TRPC1: variants seen among roughly 807,000 people sequenced by gnomAD.
The protein encoded by TRPC1 is transient receptor potential cation channel subfamily C member 1.
Under a neutral mutation model 88.2 loss-of-function variants are expected in TRPC1, and 42 were observed. That is an observed-to-expected ratio of 0.48 (90% CI 0.37 to 0.62). The LOEUF (loss-of-function observed/expected upper bound fraction) is 0.62. TRPC1 is among the 20% of genes least tolerant of loss of function. TRPC1 has a pLI of 0.00. For missense variants in TRPC1, 699 were observed against 957.3 expected (o/e 0.73, Z 3.56); for synonymous variants, 288 against 331.8 (o/e 0.87, Z 1.43).
chr3:142,775,609 A>T (rs935751202), intron 4 of TRPC1, among the ~76,000 whole-genome samples: 1 of 152,112 alleles, frequency 6.6e-6, no homozygotes, highest in Admixed American at 6.5e-5. Flanking sequence ...ACTGAATGAG[A>T]GTGTCTCAAA....
At chr3:142,765,652 A>T (rs1935358656) in intron 4 of TRPC1, among the ~76,000 whole-genome samples, 1 of 152,204 alleles carries the variant, frequency 6.6e-6, no homozygotes, top group Non-Finnish European at 1.5e-5. Context: ...ACCTATCACC[A>T]TATAAAAAAA....
At chr3:142,762,517 C>T (rs1020326194) in intron 4 of TRPC1, among the ~76,000 whole-genome samples, 6 of 150,860 alleles carry the variant, frequency 4.0e-5, no homozygotes, top group Non-Finnish European at 8.9e-5. Flanking sequence ...CAACCTCCAC[C>T]TCCCGGGTTG....
At chr3:142,763,672 TCA>T (rs1316539817) in intron 4 of TRPC1, among the ~76,000 whole-genome samples, 2 of 151,982 alleles carry the variant, frequency 1.3e-5, no homozygotes, top group Non-Finnish European at 2.9e-5. Context: ...CCATTTACAT[TCA>T]GTGTGATTGT....
At chr3:142,775,082 T>G (rs1408080172) in intron 4 of TRPC1, among the ~76,000 whole-genome samples, 1 of 152,030 alleles carries the variant, frequency 6.6e-6, no homozygotes, top group Non-Finnish European at 1.5e-5. Flanking sequence ...TTTTTCTCAG[T>G]TTTTTGACAG....
rs148917039 is a variant in TRPC1 at position 142,760,077 on chromosome 3, C to T, written c.632+11617C>T. 9.6e-3 allele frequency among the ~76,000 whole-genome samples: 1,467 copies of T among 152,240 alleles called. 34 individuals carry two copies. Among genetic ancestry groups the T allele is most frequent in the East Asian group, 0.089 (458 of 5,164 alleles). ...TCCTGACCTCATGATCCACCCACCT[C>T]GGCCTCCCAAAGTGTTGGGATTACA... On this transcript the variant is annotated intron_variant, in intron 4 of 12. Coordinates refer to ENST00000476941, the MANE Select transcript of TRPC1 (RefSeq NM_001251845.2).
rs1297773886 is a variant in TRPC1 at position 142,792,716 on chromosome 3, T to G, written c.1438-108T>G. The stretch of plus-strand genomic sequence containing the variant: ...ATAAAACATAAGTGGAGATCCCCTA[T>G]AAGAAGACAAAATTAAAATGGCTTT... On this transcript the variant is annotated intron_variant, in intron 8 of 12. Coordinates refer to ENST00000476941, the MANE Select transcript of TRPC1 (RefSeq NM_001251845.2). The surrounding 1 kb of genome is among the most constrained non-coding windows in gnomAD (Gnocchi z 4.0). The G allele has an allele frequency of 2.7e-5, 31 of 1,146,378 alleles. No individual in the cohort carries two copies. The highest frequency in any genetic ancestry group is 2.6e-5 in the Non-Finnish European group (22 of 850,388). The allele number at this position is 1,146,378 out of a possible 1,614,324, so 71.0% of individuals were successfully genotyped here.
At chr3:142,750,238 T>G (rs1458537296) in intron 4 of TRPC1, among the ~76,000 whole-genome samples, 1 of 151,864 alleles carries the variant, frequency 6.6e-6, no homozygotes, top group Non-Finnish European at 1.5e-5. Flanking sequence ...AACAACCCCA[T>G]CAAAAAGTGG....
rs898077622 is a variant in TRPC1, at chr3:142,724,682, G to A, written c.123G>A (p.Lys41=). 1.9e-6 allele frequency: 3 copies of A among 1,610,586 alleles called. No homozygotes were observed. Among genetic ancestry groups the A allele is most frequent in the Admixed American group, 3.3e-5 (2 of 59,896 alleles). ...VMALKDVREV[K]EENTLNEKLF... ...CGCTGAAGGATGTGCGGGAGGTGAAGGAGGAGAATACGCTGAATGAGAAGC... is the reference window on the plus strand; with the variant it reads ...CGCTGAAGGATGTGCGGGAGGTGAAAGAGGAGAATACGCTGAATGAGAAGC... Residue 41 remains lysine (K), a synonymous_variant, in exon 1 of 13, where the codon AAG becomes AAA. Transcript: ENST00000476941. This position sits in a 1 kb window ranked among gnomAD's most constrained non-coding sequence, Gnocchi z 5.6.
intron 6 of TRPC1, among the ~76,000 whole-genome samples, 198 bp from the exon 7 acceptor site, chr3:142,784,506 G>A (rs1474520972): frequency 6.6e-6 from 1 of 152,118 alleles, no homozygotes; most frequent in African/African-American, 2.4e-5. Flanking sequence ...TTTGAATCTA[G>A]GTAATCTGGC....
At chr3:142,747,208 A>G (rs1365179634) in intron 3 of TRPC1, among the ~76,000 whole-genome samples, 1 of 152,134 alleles carries the variant, frequency 6.6e-6, no homozygotes, top group Non-Finnish European at 1.5e-5. Context: ...GTAGTAGAAA[A>G]AGGATTAAAA....
At chr3:142,803,920 T>G in intron 10 of TRPC1, 57 bp from the exon 11 acceptor site, 1 of 1,514,228 alleles carries the variant, frequency 6.6e-7, no homozygotes, top group Non-Finnish European at 9.1e-7. Context: ...AACAAATGAT[T>G]CATTTTTGCT....
At chr3:142,789,467 T>A (rs968410301) in intron 7 of TRPC1, among the ~76,000 whole-genome samples, 1 of 152,200 alleles carries the variant, frequency 6.6e-6, no homozygotes. Flanking sequence ...TTTTAAACAC[T>A]TTTTTTCTGT....
chr3:142,762,071 T>G (rs1231954844), intron 4 of TRPC1, among the ~76,000 whole-genome samples: 3 of 152,186 alleles, frequency 2.0e-5, no homozygotes, highest in African/African-American at 7.2e-5. Context: ...AGTCTCACTC[T>G]GTCACCCAGT....
chr3:142,763,989 TACATACATACATATATATATATATATAA>T (rs1560105021), intron 4 of TRPC1, among the ~76,000 whole-genome samples: 949 of 65,034 alleles, frequency 0.015, 95 homozygotes, highest in African/African-American at 0.1. Flanking sequence ...TATATACACA[TACATACATACATATATATATATATATAA>T]CAAATTATTT....
At chr3:142,771,966 T>A (rs1250648033) in intron 4 of TRPC1, among the ~76,000 whole-genome samples, 1 of 152,194 alleles carries the variant, frequency 6.6e-6, no homozygotes, top group Non-Finnish European at 1.5e-5. Context: ...ATTTTTAAAT[T>A]TCTTTGAGTA....
chr3:142,805,676 A>G (rs1936772150), intron 12 of TRPC1, among the ~76,000 whole-genome samples: 1 of 152,190 alleles, frequency 6.6e-6, no homozygotes, highest in Admixed American at 6.5e-5. Flanking sequence ...ATAAATGTTC[A>G]TCTGTAAAAT....
Position 142,724,369 on chromosome 3 carries a change from T to C in TRPC1, c.-191T>C, listed in dbSNP as rs778935535. 2.3e-6 allele frequency: 1 copy of C among 432,474 alleles called. No individual in the cohort carries two copies. Among genetic ancestry groups the C allele is most frequent in the Non-Finnish European group, 3.9e-6 (1 of 255,422 alleles). The allele number at this position is 432,474 out of a possible 1,614,324, so 26.8% of individuals were successfully genotyped here. ...GCATGCGCCGCCACCAACTTGGGGC[T>C]GTCAGTGGAGGGCGAGTGCTGGTTC... On this transcript the variant is annotated 5_prime_UTR_variant, in exon 1 of 13. Transcript: ENST00000476941. The surrounding 1 kb of genome is among the most constrained non-coding windows in gnomAD (Gnocchi z 5.6).
chr3:142,796,251 C>T (rs1318900929), intron 9 of TRPC1, among the ~76,000 whole-genome samples: 6 of 152,100 alleles, frequency 3.9e-5, no homozygotes, highest in East Asian at 1.9e-4. Flanking sequence ...TATACTAAAT[C>T]GCCCCCCAGG....
chr3:142,738,209 G>A (rs895332900), intron 2 of TRPC1, among the ~76,000 whole-genome samples: 1 of 152,166 alleles, frequency 6.6e-6, no homozygotes, highest in Admixed American at 6.5e-5. Flanking sequence ...ACAAGACAAA[G>A]ATTTAAATAT....
Sources: allele counts gnomAD v4.1 joint callset (sites outside exome capture counted in the v4.1 genomes callset), GRCh38; gene constraint gnomAD v4.1.1; non-coding constraint Gnocchi (gnomAD v3.1); transcripts MANE v1.5; gene names NCBI Gene and HGNC (gene_info 2026-07-23, HGNC 2026-07-21).